Variants in ERH observed in about 807,000 individuals in gnomAD.
The protein encoded by ERH is enhancer of rudimentary homolog.
Under a neutral mutation model 16.8 loss-of-function variants are expected in ERH, and 1 was observed. The observed-to-expected ratio is 0.06, with a 90% confidence interval of 0.02 to 0.28. The LOEUF is 0.28. ERH is among the 10% of genes least tolerant of loss of function. The pLI is 1.00. For missense variants in ERH, 42 were observed against 127.5 expected, an observed-to-expected ratio of 0.33 and a Z score of 3.23; for synonymous variants, 43 against 43.6, an observed-to-expected ratio of 0.99 and a Z score of 0.05.
rs144091565 is a variant in ERH at position 69,388,751 on chromosome 14, T to C, written c.92-1668A>G. 3.1e-3 allele frequency among the ~76,000 whole-genome samples: 477 copies of C among 152,306 alleles called. 4 individuals carry two copies. Among genetic ancestry groups the C allele is most frequent in the African/African-American group, 0.011 (463 of 41,558 alleles). On this transcript the variant is annotated intron_variant, in intron 2 of 3. Transcript: ENST00000557016. ...ACTATTTTAAGACTACTATGATGAATGGCTAAGTGACATAAATGCTAGTTA... is the reference window on the plus strand; with the variant it reads ...ACTATTTTAAGACTACTATGATGAACGGCTAAGTGACATAAATGCTAGTTA...
At chr14:69,382,818 G>T (rs1276427953) in intron 3 of ERH, among the ~76,000 whole-genome samples, 3 of 149,760 alleles carry the variant, frequency 2.0e-5, no homozygotes, top group Non-Finnish European at 3.0e-5. Context: ...AAGCAATAAT[G>T]CCTTCTTTAT....
In ERH at chr14:69,397,589, T is replaced by C. The variant is rs368639421; in HGVS notation, c.3+642A>G. Among the ~76,000 whole-genome samples, 107 of 152,290 alleles carry C rather than the reference T, an allele frequency of 7.0e-4. 3 individuals carry two copies. In the South Asian group the frequency reaches 0.019, roughly 27 times the overall value. ...AGAATAGTTAGACAACCCTGGCCCA[T>C]TGTTCCTACAGCAGGCTAGAGCATT... On this transcript the variant is annotated intron_variant, in intron 1 of 3. Transcript: ENST00000557016.
intron 1 of ERH, among the ~76,000 whole-genome samples, chr14:69,395,826 G>GAT (rs1882321155): frequency 6.6e-6 from 1 of 152,140 alleles, no homozygotes; most frequent in Non-Finnish European, 1.5e-5. Flanking sequence ...TCACATATTA[G>GAT]AATCACACAG....
chr14:69,387,336 C>A (rs1329618971), intron 2 of ERH, among the ~76,000 whole-genome samples: 2 of 152,090 alleles, frequency 1.3e-5, no homozygotes, highest in Non-Finnish European at 2.9e-5. Flanking sequence ...GCAGGAGCAT[C>A]ACTTGAGCCC....
At chr14:69,390,355 G>A (rs1242186117) in intron 2 of ERH, among the ~76,000 whole-genome samples, 1 of 152,194 alleles carries the variant, frequency 6.6e-6, no homozygotes, top group Non-Finnish European at 1.5e-5. Flanking sequence ...ATTGGCATCA[G>A]GATAGGTATC....
intron 1 of ERH, 26 bp downstream of exon 1, chr14:69,398,205 C>A: frequency 6.2e-7 from 1 of 1,613,924 alleles, no homozygotes; most frequent in Non-Finnish European, 8.5e-7. Context: ...GACTCGGACT[C>A]GGGTAGCCGC....
chr14:69,382,919 C>T (rs1352795023), intron 3 of ERH, among the ~76,000 whole-genome samples: 1 of 152,052 alleles, frequency 6.6e-6, no homozygotes, highest in Non-Finnish European at 1.5e-5. Flanking sequence ...GTCATTGGCA[C>T]AGATGAATCT....
At chr14:69,391,729 G>A (rs935224316) in intron 2 of ERH, among the ~76,000 whole-genome samples, 5 of 145,640 alleles carry the variant, frequency 3.4e-5, no homozygotes, top group African/African-American at 5.1e-5. Flanking sequence ...TTCATACTCC[G>A]TAACTCTAAC....
intron 1 of ERH, 151 bp downstream of exon 1, chr14:69,398,080 C>T (rs999428439): frequency 2.0e-6 from 2 of 1,014,642 alleles, no homozygotes; most frequent in Non-Finnish European, 3.0e-6. Context: ...GGCGTCCCTG[C>T]GGCGGGAAGA....
At chr14:69,390,902 G>A (rs942920176) in intron 2 of ERH, among the ~76,000 whole-genome samples, 1 of 152,200 alleles carries the variant, frequency 6.6e-6, no homozygotes, top group African/African-American at 2.4e-5. Flanking sequence ...ATGAAAAGAT[G>A]ACATTGTATG....
chr14:69,383,166 A>C (rs2045872850), intron 3 of ERH, among the ~76,000 whole-genome samples: 1 of 152,260 alleles, frequency 6.6e-6, no homozygotes, highest in Non-Finnish European at 1.5e-5. Flanking sequence ...TAAAAAACAT[A>C]CAGATCAGAA....
chr14:69,388,480 C>G (rs1231292799), intron 2 of ERH, among the ~76,000 whole-genome samples: 3 of 151,002 alleles, frequency 2.0e-5, no homozygotes, highest in African/African-American at 7.3e-5. Flanking sequence ...CCTGCCTCAG[C>G]CCCCCAAGTA....
chr14:69,393,114 C>T (rs910243261), intron 2 of ERH, among the ~76,000 whole-genome samples: 24 of 152,194 alleles, frequency 1.6e-4, no homozygotes, highest in East Asian at 5.8e-4. Context: ...GTCAGGAGTT[C>T]GGGACCAGCC....
At chr14:69,392,395 T>C (rs895395768) in intron 2 of ERH, among the ~76,000 whole-genome samples, 2 of 152,140 alleles carry the variant, frequency 1.3e-5, no homozygotes, top group African/African-American at 4.8e-5. Context: ...AAATGCACAT[T>C]GCTAAGTAAA....
chr14:69,394,768 A>G (rs2140234516), intron 2 of ERH, 57 bp downstream of exon 2: 1 of 1,360,936 alleles, frequency 7.3e-7, no homozygotes, highest in Non-Finnish European at 1.0e-6. Flanking sequence ...TTTGGAGGGG[A>G]AAAACCCAGT....
chr14:69,397,717 G>C (rs140734049), intron 1 of ERH, among the ~76,000 whole-genome samples: 1 of 152,114 alleles, frequency 6.6e-6, no homozygotes, highest in Non-Finnish European at 1.5e-5. Context: ...TCAGGAGTTC[G>C]AGACCAGCCT....
intron 2 of ERH, among the ~76,000 whole-genome samples, chr14:69,392,550 A>G (rs2140233431): frequency 6.6e-6 from 1 of 152,360 alleles, no homozygotes; most frequent in African/African-American, 2.4e-5. Flanking sequence ...GGTAGAGCAC[A>G]AGAAATGTTT....
At chr14:69,392,331 T>C (rs912648704) in intron 2 of ERH, among the ~76,000 whole-genome samples, 6 of 152,204 alleles carry the variant, frequency 3.9e-5, no homozygotes, top group African/African-American at 1.4e-4. Flanking sequence ...TCACCACTTT[T>C]AATTTTTAGA....
rs758310125 is a variant in ERH, at chr14:69,398,283, A to T, written c.-50T>A. On this transcript the variant is annotated 5_prime_UTR_variant, in exon 1 of 4. Coordinates refer to ENST00000557016, the MANE Select transcript of ERH (RefSeq NM_004450.3). ...CAGCTGCCGACACCGCCGCCGTTAC[A>T]CGAGCTTAACTACAACGCCGCTAAC... is the stretch of plus-strand genomic sequence containing the variant. 6.2e-7 allele frequency: 1 copy of T among 1,613,536 alleles called. No homozygotes were observed. The highest frequency in any genetic ancestry group is 8.5e-7 in the Non-Finnish European group (1 of 1,179,808).
Sources: allele counts gnomAD v4.1 joint callset (sites outside exome capture counted in the v4.1 genomes callset), GRCh38; gene constraint gnomAD v4.1.1; transcripts MANE v1.5; gene names NCBI Gene and HGNC (gene_info 2026-07-23, HGNC 2026-07-21).